The following SYNE1 variants were observed in gnomAD, a reference collection of about 807,000 sequenced individuals.
SYNE1 encodes the protein nesprin-1.
A neutral mutation model predicts 1,111.0 loss-of-function variants in SYNE1; 616 were observed. That is an observed-to-expected ratio of 0.55 (90% CI 0.52 to 0.59). SYNE1 has a LOEUF of 0.59. SYNE1 is among the 20% of genes least tolerant of loss of function. The pLI is 0.00. For synonymous variants in SYNE1, 3,855 were observed against 3,825.8 expected (o/e 1.01, Z -0.28); for missense variants, 10,006 against 10,417.0 (o/e 0.96, Z 1.72).
chr6:152,357,813 A>G (rs188133934), intron 66 of SYNE1, among the ~76,000 whole-genome samples: 173 of 152,300 alleles, frequency 1.1e-3, no homozygotes, highest in African/African-American at 4.0e-3. Flanking sequence ...AAGTATATAG[A>G]TTGTGACCAC....
At chr6:152,159,529 G>A (rs1367692501) in intron 131 of SYNE1, among the ~76,000 whole-genome samples, 1 of 152,194 alleles carries the variant, frequency 6.6e-6, no homozygotes, top group Non-Finnish European at 1.5e-5. Flanking sequence ...AAAGCAGCAT[G>A]TTTTCCACCC....
rs1413852238 is a variant in SYNE1, at chr6:152,122,464, C to T, written c.26366G>A (p.Arg8789Lys). The T allele has an allele frequency of 1.2e-6, 2 of 1,614,174 alleles. No homozygotes were observed. The highest frequency in any genetic ancestry group is 3.3e-5 in the Admixed American group (2 of 60,022). ...GAGTGGAGGAGGGCCATTCGTGTAT[C>T]TGAGCATGGGGTGGAATGACCGGGC... ...NFARSFHPML[R>K]YTNGPPPL The change falls in exon 146 of 146, where the codon AGA (arginine) becomes AAA (lysine). Residue 8789 changes from arginine to lysine, a missense_variant. Coordinates refer to ENST00000367255, the MANE Select transcript of SYNE1 (RefSeq NM_182961.4).
chr6:152,409,830 C>A, intron 42 of SYNE1, 121 bp from the exon 43 acceptor site: 1 of 1,046,090 alleles, frequency 9.6e-7, no homozygotes, highest in Non-Finnish European at 1.4e-6. Context: ...CGGATTCCTA[C>A]ATACTGTCCT....
intron 47 of SYNE1, 133 bp downstream of exon 47, chr6:152,401,005 T>C (rs1001743894): frequency 3.7e-6 from 3 of 810,634 alleles, no homozygotes; most frequent in Admixed American, 2.2e-5. Context: ...CTGTGTTCAA[T>C]GTCATAAATA....
Position 152,581,681 on chromosome 6 carries a change from T to C in SYNE1, c.68-41660A>G, listed in dbSNP as rs1228984270. On this transcript the variant is annotated intron_variant, in intron 3 of 145. Coordinates refer to ENST00000367255, the MANE Select transcript of SYNE1 (RefSeq NM_182961.4). ...CACCTCATCACTTTCCCTTGATGTTTCTTAAAGGGAACCTAGTTGTCCACC... is the reference window on the plus strand; with the variant it reads ...CACCTCATCACTTTCCCTTGATGTTCCTTAAAGGGAACCTAGTTGTCCACC... Among the ~76,000 whole-genome samples, 4 of 152,164 alleles carry C rather than the reference T, an allele frequency of 2.6e-5. No homozygotes were observed. In the East Asian group the frequency reaches 7.7e-4, roughly 29 times the overall value.
At chr6:152,180,661 AG>A (rs893645932) in intron 128 of SYNE1, among the ~76,000 whole-genome samples, 8 of 151,806 alleles carry the variant, frequency 5.3e-5, no homozygotes, top group South Asian at 2.1e-4. Flanking sequence ...TAAAGAAGGG[AG>A]GAAAAAAAAG....
At chr6:152,611,487 A>G (rs1056838915) in intron 3 of SYNE1, among the ~76,000 whole-genome samples, 2 of 152,190 alleles carry the variant, frequency 1.3e-5, no homozygotes, top group African/African-American at 4.8e-5. Context: ...GAGCACCCAG[A>G]TTCATAAAGC....
intron 44 of SYNE1, among the ~76,000 whole-genome samples, chr6:152,408,439 T>A (rs1485909681): frequency 6.6e-6 from 1 of 152,248 alleles, no homozygotes; most frequent in Non-Finnish European, 1.5e-5. Context: ...TGTAATATTC[T>A]ATAGAATGTT....
intron 30 of SYNE1, 118 bp from the exon 31 acceptor site, chr6:152,442,363 G>T: frequency 8.3e-7 from 1 of 1,203,982 alleles, no homozygotes. Flanking sequence ...GTATTTTAAA[G>T]CTAAGATTAA....
intron 34 of SYNE1, among the ~76,000 whole-genome samples, chr6:152,432,857 A>G (rs577037709): frequency 2.0e-5 from 3 of 152,266 alleles, no homozygotes; most frequent in African/African-American, 7.2e-5. Context: ...CTGGTATACC[A>G]AAGAAGACAT....
chr6:152,193,850 A>AC (rs2073295216), intron 127 of SYNE1, among the ~76,000 whole-genome samples: 1 of 151,744 alleles, frequency 6.6e-6, no homozygotes, highest in Admixed American at 6.6e-5. Flanking sequence ...TCTCTACTAA[A>AC]AAAATACAAA....
intron 82 of SYNE1, among the ~76,000 whole-genome samples, chr6:152,322,487 G>C (rs1445795389): frequency 6.6e-6 from 1 of 152,164 alleles, no homozygotes; most frequent in Non-Finnish European, 1.5e-5. Context: ...GGCCCAAGAA[G>C]TGAGTCAGGG....
intron 75 of SYNE1, 100 bp from the exon 76 acceptor site, chr6:152,337,117 T>A: frequency 1.7e-6 from 2 of 1,174,874 alleles, no homozygotes; most frequent in African/African-American, 1.5e-5. Context: ...TGCACTCATT[T>A]GACACACACA....
chr6:152,523,946 T>C (rs1369467244), intron 5 of SYNE1, among the ~76,000 whole-genome samples: 1 of 152,156 alleles, frequency 6.6e-6, no homozygotes, highest in Non-Finnish European at 1.5e-5. Flanking sequence ...CTAAGAATTT[T>C]AGAGGAGTCT....
rs961409045 is a variant in SYNE1, at chr6:152,257,251, G to A, written c.18973-486C>T. On this transcript the variant is annotated intron_variant, in intron 101 of 145. Transcript: ENST00000367255. ...TATTATATACAAATAAAATAAAGCA[G>A]GCCACCCACGATGGCTCATGCCTGT... is the stretch of plus-strand genomic sequence containing the variant. Among the ~76,000 whole-genome samples, 11 of 152,056 alleles carry A rather than the reference G, an allele frequency of 7.2e-5. No individual in the cohort carries two copies. In the East Asian group the frequency reaches 7.7e-4, roughly 11 times the overall value.
intron 92 of SYNE1, among the ~76,000 whole-genome samples, chr6:152,301,434 T>C (rs2095162282): frequency 6.6e-6 from 1 of 152,242 alleles, no homozygotes; most frequent in African/African-American, 2.4e-5. Context: ...TTCTTCTAAA[T>C]TGTATTACAC....
intron 3 of SYNE1, among the ~76,000 whole-genome samples, chr6:152,577,325 G>A (rs1174930689): frequency 6.6e-6 from 1 of 152,138 alleles, no homozygotes; most frequent in African/African-American, 2.4e-5. Flanking sequence ...CATCGTTACT[G>A]CATTTTAAAT....
chr6:152,370,055 A>C (rs868614272), intron 59 of SYNE1, among the ~76,000 whole-genome samples: 56 of 151,008 alleles, frequency 3.7e-4, no homozygotes, highest in African/African-American at 1.3e-3. Flanking sequence ...GAAACACTCC[A>C]TCTTTTACCT....
intron 44 of SYNE1, among the ~76,000 whole-genome samples, chr6:152,408,055 G>A (rs958845661): frequency 2.6e-5 from 4 of 151,986 alleles, no homozygotes; most frequent in Non-Finnish European, 5.9e-5. Context: ...GAGCCACCAC[G>A]CCCAGCCAAA....
Sources: allele counts gnomAD v4.1 joint callset (sites outside exome capture counted in the v4.1 genomes callset), GRCh38; gene constraint gnomAD v4.1.1; transcripts MANE v1.5; gene names NCBI Gene and HGNC (gene_info 2026-07-23, HGNC 2026-07-21).